The following TANK variants were observed in gnomAD, a reference collection of about 807,000 sequenced individuals.
The protein encoded by TANK is TRAF family member-associated NF-kappa-B activator.
A neutral mutation model predicts 43.6 loss-of-function variants in TANK; 15 were observed. The observed-to-expected ratio is 0.34, with a 90% CI of 0.23 to 0.53. TANK has a LOEUF of 0.53. TANK is among the 20% of genes least tolerant of loss of function. The pLI, the probability that TANK is intolerant of heterozygous loss-of-function variation, is 0.94. For synonymous variants in TANK, 162 were observed against 178.2 expected (o/e 0.91, Z 0.73); for missense variants, 417 against 498.6 (o/e 0.84, Z 1.56).
chr2:161,168,841 A>T (rs1440399372), intron 1 of TANK, among the ~76,000 whole-genome samples: 1 of 152,198 alleles, frequency 6.6e-6, no homozygotes. Context: ...CAAGATCAGG[A>T]ATCAAAATGG....
chr2:161,230,950 T>C (rs1687881456), intron 6 of TANK, 21 bp from the exon 7 acceptor site: 1 of 1,583,980 alleles, frequency 6.3e-7, no homozygotes, highest in Non-Finnish European at 8.7e-7. Flanking sequence ...CTGTTTCTCT[T>C]TTGTGTTCTT....
At chr2:161,228,494 G>A (rs1162523922) in intron 6 of TANK, among the ~76,000 whole-genome samples, 1 of 152,092 alleles carries the variant, frequency 6.6e-6, no homozygotes, top group African/African-American at 2.4e-5. Flanking sequence ...TCATGCCATT[G>A]CACTCTATCC....
intron 2 of TANK, 183 bp downstream of exon 2, chr2:161,179,944 C>T (rs1033029955): frequency 5.5e-6 from 7 of 1,279,064 alleles, no homozygotes; most frequent in Admixed American, 3.9e-5. Flanking sequence ...AAAAATATTG[C>T]AACCCATAGG....
upstream of TANK, among the ~76,000 whole-genome samples, chr2:161,159,654 G>T (rs759143559): frequency 2.6e-5 from 4 of 152,330 alleles, no homozygotes; most frequent in South Asian, 2.1e-4. Context: ...AAACATCCAT[G>T]ATTCAGAAAT....
intron 7 of TANK, among the ~76,000 whole-genome samples, chr2:161,234,753 T>A (rs1010240459): frequency 6.6e-6 from 1 of 152,230 alleles, no homozygotes; most frequent in Admixed American, 6.5e-5. Flanking sequence ...TGATTAAATA[T>A]TTGTGTTTTT....
rs111321239 is a variant in TANK at position 161,223,058 on chromosome 2, T to C, written c.328-857T>C. 1.5e-3 allele frequency: 235 copies of C among 152,152 alleles called. 1 individual carries two copies. The highest frequency in any genetic ancestry group is 5.2e-3 in the African/African-American group (216 of 41,578). The allele number at this position is 152,152 out of a possible 1,614,324, so 9.4% of individuals were successfully genotyped here. ...TTTATAATAGCTACAATGACCTTAA[T>C]TGAATAAAATCTAAATGTCACTAAA... On this transcript the variant is annotated intron_variant, in intron 4 of 7. Transcript: ENST00000392749.
intron 1 of TANK, among the ~76,000 whole-genome samples, chr2:161,177,522 T>G (rs1486958265): frequency 6.6e-6 from 1 of 152,060 alleles, no homozygotes; most frequent in Non-Finnish European, 1.5e-5. Flanking sequence ...ACCTCACACC[T>G]TATACAACAT....
intron 4 of TANK, among the ~76,000 whole-genome samples, chr2:161,217,850 T>C (rs1426628069): frequency 6.6e-6 from 1 of 152,024 alleles, no homozygotes; most frequent in Non-Finnish European, 1.5e-5. Flanking sequence ...GACACTGAAA[T>C]TATCAGACAA....
At chr2:161,203,016 A>C (rs1417539104) in intron 2 of TANK, 1 of 305,302 alleles carries the variant, frequency 3.3e-6, no homozygotes, top group Non-Finnish European at 6.4e-6. Context: ...TGTCCCTTTG[A>C]TTTGTATCAA....
In TANK at chr2:161,231,075, A is replaced by G. The variant is rs746321053; in HGVS notation, c.625A>G (p.Ile209Val). The G allele has an allele frequency of 3.1e-6, 5 of 1,614,152 alleles. No individual in the cohort carries two copies. The highest frequency in any genetic ancestry group is 1.1e-5 in the South Asian group (1 of 91,084). The change falls in exon 7 of 8, where the codon ATC becomes GTC. Residue 209 changes from isoleucine to valine, a missense_variant. Ile to Val is a conservative substitution (Grantham distance 29, BLOSUM62 3). Coordinates refer to ENST00000392749, the MANE Select transcript of TANK (RefSeq NM_001199135.3). ...KDDINRGAPS[I>V]TSVTPRGLCR... ...TGATATAAATAGAGGTGCACCATCC[A>G]TCACATCTGTCACACCAAGAGGACT...
chr2:161,194,880 C>CT (rs1686076221), intron 2 of TANK, among the ~76,000 whole-genome samples: 1 of 151,952 alleles, frequency 6.6e-6, no homozygotes, highest in African/African-American at 2.4e-5. Flanking sequence ...CATATATACT[C>CT]TATCCAAAGT....
At chr2:161,148,430 CT>C (rs1683977747) in intron 1 of TANK, among the ~76,000 whole-genome samples, 1 of 152,080 alleles carries the variant, frequency 6.6e-6, no homozygotes. Context: ...ATTCTAGCCC[CT>C]TATCAGATAT....
chr2:161,220,697 TTTTA>T (rs1415305313), intron 4 of TANK, among the ~76,000 whole-genome samples: 6 of 152,230 alleles, frequency 3.9e-5, no homozygotes, highest in Non-Finnish European at 5.9e-5. Context: ...AAATGACAAT[TTTTA>T]TTTCTTTTCT....
At chr2:161,197,260 G>A (rs1160994026) in intron 2 of TANK, 2 of 152,060 alleles carry the variant, frequency 1.3e-5, no homozygotes, top group South Asian at 2.1e-4. Context: ...ATCTTTAATC[G>A]TTTAGTCCAT....
intron 1 of TANK, among the ~76,000 whole-genome samples, chr2:161,170,585 T>C (rs1467635849): frequency 1.3e-5 from 2 of 152,324 alleles, no homozygotes; most frequent in African/African-American, 4.8e-5. Flanking sequence ...CGACCCCCTA[T>C]GGCAGTAATT....
chr2:161,232,909 G>T, intron 7 of TANK: 1 of 1,473,970 alleles, frequency 6.8e-7, no homozygotes, highest in Non-Finnish European at 9.1e-7. Context: ...TTAGATAATT[G>T]ATATTTTGGC....
At chr2:161,219,800 A>G (rs1020275932) in intron 4 of TANK, 2 of 437,706 alleles carry the variant, frequency 4.6e-6, no homozygotes, top group Non-Finnish European at 9.2e-6. Flanking sequence ...ATTCAACCTC[A>G]GTTCCTCCTT....
intron 4 of TANK, among the ~76,000 whole-genome samples, chr2:161,214,834 C>T (rs1167545502): frequency 6.6e-6 from 1 of 151,982 alleles, no homozygotes; most frequent in Admixed American, 6.6e-5. Context: ...AAGTTAGTAG[C>T]GAAGAACATC....
chr2:161,151,599 G>A (rs1423064889), intron 1 of TANK, among the ~76,000 whole-genome samples: 2 of 151,858 alleles, frequency 1.3e-5, no homozygotes, highest in African/African-American at 2.4e-5. Context: ...TCTCTCTTTT[G>A]GTTACTGTTT....
Sources: gnomAD v4.1 joint callset for allele counts (sites outside exome capture counted in the v4.1 genomes callset) on GRCh38, gnomAD v4.1.1 for gene constraint, MANE v1.5 for transcripts, NCBI Gene and HGNC (gene_info 2026-07-23, HGNC 2026-07-21) for gene names.